PRKAR1A: variants seen among roughly 807,000 people sequenced by gnomAD.
The protein encoded by PRKAR1A is protein kinase cAMP-dependent type I regulatory subunit alpha, also known as cAMP-dependent protein kinase type I-alpha regulatory subunit.
A neutral mutation model predicts 52.0 loss-of-function variants in PRKAR1A; 3 were observed. The ratio of observed to expected loss-of-function variants is 0.06; its 90% confidence interval spans 0.03 to 0.15. PRKAR1A has a LOEUF of 0.15. Ranked by LOEUF, PRKAR1A falls within the 10% of genes least tolerant of loss-of-function variation. The pLI is 1.00. For missense variants in PRKAR1A, 240 were observed against 477.4 expected (o/e 0.50, Z 4.63); for synonymous variants, 188 against 168.4 (o/e 1.12, Z -0.90).
At chr17:68,509,346 G>A (rs116499680), upstream of PRKAR1A, among the ~76,000 whole-genome samples, 1 of 152,016 alleles carries the variant, frequency 6.6e-6, no homozygotes, top group Non-Finnish European at 1.5e-5. Context: ...AAATTTTTTT[G>A]TAGAGACGGC....
At chr17:68,450,344 C>G in the PRKAR1A span, among the ~76,000 whole-genome samples, 1 of 152,198 alleles carries the variant, frequency 6.6e-6, no homozygotes, top group Admixed American at 6.5e-5. Flanking sequence ...CCAACATCTG[C>G]AATGAATGAC....
At chr17:68,465,187 C>T in the PRKAR1A span, among the ~76,000 whole-genome samples, 1 of 152,138 alleles carries the variant, frequency 6.6e-6, no homozygotes, top group Non-Finnish European at 1.5e-5. Context: ...CCGCCTCGGC[C>T]TTCCAAAGTA....
At chr17:68,543,700 T>C (rs778010086) in intron 11 of PRKAR1A, 1 of 1,614,116 alleles carries the variant, frequency 6.2e-7, no homozygotes, top group Non-Finnish European at 8.5e-7. Flanking sequence ...AGTCCACTGG[T>C]GTCTCCTCAT....
rs774473970 is a variant in PRKAR1A, at chr17:68,539,898, C to G, written c.973+9897C>G. 1.2e-5 allele frequency: 20 copies of G among 1,613,998 alleles called. No individual in the cohort carries two copies. The highest frequency in any genetic ancestry group is 1.6e-5 in the Non-Finnish European group (19 of 1,180,014). ...GGGGAAGCTCACCCTCTGGCGTTGT[C>G]AAGGTGAATAAGGAACCCATCATCC... On this transcript the variant is annotated intron_variant, in intron 11 of 11. Transcript: ENST00000585981.
chr17:68,537,227 C>A (rs944107686), downstream of PRKAR1A: 7 of 644,026 alleles, frequency 1.1e-5, no homozygotes, highest in Admixed American at 1.2e-4. This position sits in a 1 kb window ranked among gnomAD's most constrained non-coding sequence, Gnocchi z 4.2. Flanking sequence ...CTCAGGAGAT[C>A]GTCGGTGGCC....
At chr17:68,466,401 TTC>T in the PRKAR1A span, among the ~76,000 whole-genome samples, 1 of 148,940 alleles carries the variant, frequency 6.7e-6, no homozygotes, top group South Asian at 2.1e-4. Context: ...TATTTATGTT[TTC>T]TCTCTCTTTT....
At chr17:68,460,363 GTTGCT>G in the PRKAR1A span, among the ~76,000 whole-genome samples, 1 of 152,150 alleles carries the variant, frequency 6.6e-6, no homozygotes, top group Non-Finnish European at 1.5e-5. Flanking sequence ...AGCCCATTGG[GTTGCT>G]TTTAGAAACT....
At chr17:68,506,650 A>ATTT in the PRKAR1A span, among the ~76,000 whole-genome samples, 2 of 151,812 alleles carry the variant, frequency 1.3e-5, no homozygotes, top group African/African-American at 4.8e-5. Context: ...CACCCGGCTA[A>ATTT]TTTTTGTATT....
chr17:68,514,875 G>C (rs1363706710), intron 1 of PRKAR1A: 1 of 156,744 alleles, frequency 6.4e-6, no homozygotes, highest in Admixed American at 6.3e-5. Flanking sequence ...TGGCTAATCA[G>C]ATCCTCACTC....
At chr17:68,446,484 T>G in the PRKAR1A span, among the ~76,000 whole-genome samples, 1 of 152,134 alleles carries the variant, frequency 6.6e-6, no homozygotes, top group African/African-American at 2.4e-5. Context: ...GCCCAGCCCT[T>G]TCTCAGTTTT....
the PRKAR1A span, among the ~76,000 whole-genome samples, chr17:68,492,445 A>T: frequency 6.6e-6 from 1 of 152,082 alleles, no homozygotes; most frequent in East Asian, 1.9e-4. Flanking sequence ...AAAATCAGCC[A>T]TGGGAGCAGA....
At chr17:68,534,856 G>GT (rs1416036299), downstream of PRKAR1A, among the ~76,000 whole-genome samples, 4 of 152,176 alleles carry the variant, frequency 2.6e-5, no homozygotes, top group African/African-American at 9.6e-5. Context: ...CAATAAAAAT[G>GT]TAACTAGAGA....
the PRKAR1A span, among the ~76,000 whole-genome samples, chr17:68,417,032 G>A: frequency 3.9e-5 from 6 of 152,124 alleles, no homozygotes; most frequent in African/African-American, 1.2e-4. Flanking sequence ...ATTTTTTGGG[G>A]AGTGTCAAAG....
intron 11 of PRKAR1A, among the ~76,000 whole-genome samples, chr17:68,550,126 A>T (rs1028258665): frequency 6.6e-6 from 1 of 152,104 alleles, no homozygotes; most frequent in Non-Finnish European, 1.5e-5. Context: ...TTGATTTGAC[A>T]TTCACCCCCA....
At chr17:68,460,099 G>A in the PRKAR1A span, among the ~76,000 whole-genome samples, 96 of 152,148 alleles carry the variant, frequency 6.3e-4, no homozygotes, top group Non-Finnish European at 1.2e-3. Context: ...GATTACAGGC[G>A]TGAGCCACCA....
At chr17:68,512,681 C>G (rs1230213895) in intron 1 of PRKAR1A, 133 bp downstream of exon 1, 1 of 152,302 alleles carries the variant, frequency 6.6e-6, no homozygotes, top group Admixed American at 6.5e-5. Flanking sequence ...CCCTGCCCCT[C>G]CCCGGCCCGG....
At chr17:68,546,396 C>T (rs975244803) in intron 11 of PRKAR1A, among the ~76,000 whole-genome samples, 2 of 151,920 alleles carry the variant, frequency 1.3e-5, no homozygotes, top group African/African-American at 4.9e-5. Flanking sequence ...ATATTTTTAC[C>T]TCCTTCCACG....
intron 2 of PRKAR1A, among the ~76,000 whole-genome samples, chr17:68,520,275 A>G (rs2085563771): frequency 1.3e-5 from 2 of 152,210 alleles, no homozygotes; most frequent in Non-Finnish European, 2.9e-5. Flanking sequence ...CTTTACCCAC[A>G]GGGAAGAGTG....
At chr17:68,483,861 C>CA in the PRKAR1A span, among the ~76,000 whole-genome samples, 4,582 of 95,110 alleles carry the variant, frequency 0.048, 249 homozygotes, top group Admixed American at 0.2. Flanking sequence ...AACTCCGTCT[C>CA]AAAAAAAAAA....
Sources: gnomAD v4.1 joint callset for allele counts (sites outside exome capture counted in the v4.1 genomes callset) on GRCh38, gnomAD v4.1.1 for gene constraint, Gnocchi (gnomAD v3.1) non-coding constraint, MANE v1.5 for transcripts, NCBI Gene and HGNC (gene_info 2026-07-23, HGNC 2026-07-21) for gene names.